Variants in ZNF35 observed in about 807,000 individuals in gnomAD.
ZNF35 encodes the protein zinc finger protein 35 (clone HF.10).
A neutral mutation model predicts 45.9 loss-of-function variants in ZNF35; 31 were observed. The ratio of observed to expected loss-of-function variants is 0.68; its 90% CI spans 0.51 to 0.91. The LOEUF (loss-of-function observed/expected upper bound fraction) is 0.91. Among genes scored for constraint, ZNF35 ranks in the 40% least tolerant of loss-of-function variants. ZNF35 has a pLI of 0.00. For synonymous variants in ZNF35, 205 were observed against 220.2 expected, an observed-to-expected ratio of 0.93 and a Z score of 0.61; for missense variants, 515 against 625.4, an observed-to-expected ratio of 0.82 and a Z score of 1.88.
Position 44,659,976 on chromosome 3 carries a change from T to A in ZNF35, c.*29T>A. ...GTAAGGAAGAGGAAGACCTCCAGCA[T>A]TGGTCATAACCTTCTGCCTCCCTAA... On this transcript the variant is annotated 3_prime_UTR_variant, in exon 4 of 4. Transcript: ENST00000396056. The surrounding 1 kb of genome is among the most constrained non-coding windows in gnomAD (Gnocchi z 4.3). 1 of 1,521,660 alleles carries A rather than the reference T, an allele frequency of 6.6e-7. No homozygotes were observed. Among genetic ancestry groups the A allele is most frequent in the Non-Finnish European group, 8.8e-7 (1 of 1,135,680 alleles). The allele number at this position is 1,521,660 out of a possible 1,614,324, so 94.3% of individuals were successfully genotyped here. A position where few individuals can be genotyped will look rare whatever the true frequency, so the allele number is the denominator to read the frequency against.
Position 44,658,941 on chromosome 3 carries a change from A to C in ZNF35, c.578A>C (p.Asn193Thr), listed in dbSNP as rs140378573. 871 of 1,613,670 alleles carry C rather than the reference A, an allele frequency of 5.4e-4. 1 individual carries two copies. The highest frequency in any genetic ancestry group is 6.8e-4 in the Non-Finnish European group (798 of 1,179,986). Residue 193 changes from asparagine (N) to threonine (T), a missense_variant, in exon 4 of 4, where the codon AAC (asparagine) becomes ACC (threonine). By Grantham distance (65) the Asn-to-Thr change is moderately conservative. Around this residue, in one of 3 missense-constraint regions of ZNF35, gnomAD observed 275 missense variants for 295.7 expected, o/e 0.93. Coordinates refer to ENST00000396056, the MANE Select transcript of ZNF35 (RefSeq NM_003420.4). ...CCTGAAAGCTTCAAAGAAGAGGAAA[A>C]CCAGAAATGTAAGAAATCTGGAGGA... Reference protein sequence around the residue: ...HLPESFKEEENQKCKKSGGKY... With the variant: ...HLPESFKEEETQKCKKSGGKY...
chr3:44,647,103 A>T (rs1702996439), upstream of ZNF35: 1 of 152,268 alleles, frequency 6.6e-6, no homozygotes, highest in Admixed American at 6.5e-5. Flanking sequence ...ATTTGTATGT[A>T]AACTACATAA....
At chr3:44,648,601 T>C (rs1703096174), upstream of ZNF35, 1 of 152,026 alleles carries the variant, frequency 6.6e-6, no homozygotes, top group Admixed American at 6.6e-5. Flanking sequence ...AGCACAATCC[T>C]CCTAAGCGCT....
chr3:44,654,075 T>G (rs1332799355), intron 3 of ZNF35, among the ~76,000 whole-genome samples: 1 of 152,196 alleles, frequency 6.6e-6, no homozygotes, highest in Non-Finnish European at 1.5e-5. Flanking sequence ...TTCTCTCTGG[T>G]GCATTCGCGT....
rs376337311 is a variant in ZNF35, at chr3:44,652,728, T to C, written c.337+27T>C. On this transcript the variant is annotated intron_variant, in intron 3 of 3. Transcript: ENST00000396056. ...TATGGTTCAGTTCCCTGATTCTGAA[T>C]CTGACCATTGGGGTTTCTCAAAATC... The C allele has an allele frequency of 4.3e-5, 66 of 1,522,622 alleles. 1 individual carries two copies. The highest frequency in any genetic ancestry group is 1.7e-4 in the Admixed American group (8 of 45,942). 94.3% of individuals were successfully genotyped at this position (1,522,622 alleles called of 1,614,324 possible).
In ZNF35 at chr3:44,655,611, C is replaced by T. The variant is rs141101461; in HGVS notation, c.337+2910C>T. ...CCATTTCAAATAAGCCAAGGTTATA[C>T]GCCCGGATTATTTGCTGATTAATCT... On this transcript the variant is annotated intron_variant, in intron 3 of 3. Coordinates refer to ENST00000396056, the MANE Select transcript of ZNF35 (RefSeq NM_003420.4). Among the ~76,000 whole-genome samples, 53 of 152,236 alleles carry T rather than the reference C, an allele frequency of 3.5e-4. No homozygotes were observed. The East Asian group carries it at 9.1e-3, about 26-fold the overall frequency.
intron 1 of ZNF35, among the ~76,000 whole-genome samples, chr3:44,650,009 T>A (rs561259088): frequency 6.6e-6 from 1 of 152,252 alleles, no homozygotes; most frequent in South Asian, 2.1e-4. Context: ...AAGGTGAACA[T>A]ATAAGTATGT....
intron 2 of ZNF35, 85 bp from the exon 3 acceptor site, chr3:44,652,472 A>C (rs1703221519): frequency 7.5e-7 from 1 of 1,326,570 alleles, no homozygotes; most frequent in Non-Finnish European, 1.0e-6. Context: ...CCAGGAATAG[A>C]TAATTATGTT....
At chr3:44,653,389 TA>T (rs1703240318) in intron 3 of ZNF35, among the ~76,000 whole-genome samples, 1 of 152,228 alleles carries the variant, frequency 6.6e-6, no homozygotes, top group South Asian at 2.1e-4. Flanking sequence ...GTATTTACCA[TA>T]CAATAGGTGA....
At chr3:44,654,107 T>A (rs908182728) in intron 3 of ZNF35, among the ~76,000 whole-genome samples, 2 of 152,228 alleles carry the variant, frequency 1.3e-5, no homozygotes, top group Non-Finnish European at 2.9e-5. Context: ...ATTTTCTGTC[T>A]CTGAGCTTTA....
upstream of ZNF35, chr3:44,646,753 T>G (rs759157103): frequency 1.4e-5 from 7 of 489,850 alleles, no homozygotes; most frequent in Non-Finnish European, 2.5e-5. Flanking sequence ...TTTTAAAAGA[T>G]AATACTAGAG....
At chr3:44,656,471 A>G (rs1276084997) in intron 3 of ZNF35, among the ~76,000 whole-genome samples, 1 of 151,674 alleles carries the variant, frequency 6.6e-6, no homozygotes, top group Non-Finnish European at 1.5e-5. Context: ...GCTAACTGCA[A>G]CCTCTGCCTC....
Position 44,660,367 on chromosome 3 carries a change from T to G in ZNF35, c.*420T>G, listed in dbSNP as rs531234253. 6.4e-6 allele frequency: 1 copy of G among 155,846 alleles called. No homozygotes were observed. Among genetic ancestry groups the G allele is most frequent in the South Asian group, 2.0e-4 (1 of 4,940 alleles). The allele number at this position is 155,846 out of a possible 1,614,324, so 9.7% of individuals were successfully genotyped here. A position where few individuals can be genotyped will look rare whatever the true frequency, so the allele number is the denominator to read the frequency against. On this transcript the variant is annotated 3_prime_UTR_variant, in exon 4 of 4. Coordinates refer to ENST00000396056, the MANE Select transcript of ZNF35 (RefSeq NM_003420.4). Reference sequence around the variant, plus strand: ...GAACCGTGTATTCTAATATTTCTGGTTAAGTGGTGACTGGGTAAGGAAACC... The same window carrying G: ...GAACCGTGTATTCTAATATTTCTGGGTAAGTGGTGACTGGGTAAGGAAACC...
Position 44,650,861 on chromosome 3 carries a change from C to T in ZNF35, c.-127-80C>T, listed in dbSNP as rs183517527. ...CTGGCCAGGCGCTGGTGAAATTTGC[C>T]GGTGTGGCATCCGGCAAATTTGCTA... On this transcript the variant is annotated intron_variant, in intron 1 of 3. Coordinates refer to ENST00000396056, the MANE Select transcript of ZNF35 (RefSeq NM_003420.4). The T allele has an allele frequency of 2.1e-3, 1,028 of 499,502 alleles. 17 individuals are homozygous for T. In the Admixed American group the frequency reaches 0.03, roughly 15 times the overall value. The allele number at this position is 499,502 out of a possible 1,614,324, so 30.9% of individuals were successfully genotyped here.
At chr3:44,646,612 A>G, upstream of ZNF35, 1 of 801,726 alleles carries the variant, frequency 1.2e-6, no homozygotes. Flanking sequence ...TATTATGATG[A>G]AAAAGAGAGG....
upstream of ZNF35, chr3:44,646,947 T>A (rs1358257556): frequency 2.6e-5 from 4 of 155,138 alleles, no homozygotes; most frequent in Non-Finnish European, 5.7e-5. Context: ...AAGGCTCAGA[T>A]GACTCAAAAG....
chr3:44,652,807 G>A, intron 3 of ZNF35, 106 bp downstream of exon 3: 2 of 1,180,672 alleles, frequency 1.7e-6, no homozygotes, highest in Non-Finnish European at 2.3e-6. Flanking sequence ...AGAGTACTGA[G>A]GTATTGAAAG....
chr3:44,652,830 C>T (rs1703228696), intron 3 of ZNF35, 129 bp downstream of exon 3: 2 of 999,418 alleles, frequency 2.0e-6, no homozygotes, highest in African/African-American at 3.3e-5. Flanking sequence ...TCCAGGAAAG[C>T]TGGAAAGAGG....
chr3:44,646,829 A>C (rs546334845), upstream of ZNF35: 11 of 328,648 alleles, frequency 3.3e-5, no homozygotes, highest in Admixed American at 1.4e-4. Context: ...TGACAGGGGC[A>C]AAAGCAATTC....
Sources: allele counts gnomAD v4.1 joint callset (sites outside exome capture counted in the v4.1 genomes callset), GRCh38; gene constraint gnomAD v4.1.1; regional missense constraint gnomAD v4.1.1; non-coding constraint Gnocchi (gnomAD v3.1); transcripts MANE v1.5; gene names NCBI Gene and HGNC (gene_info 2026-07-23, HGNC 2026-07-21).